The following SNTG2 variants were observed in gnomAD, a reference collection of about 807,000 sequenced individuals.
The protein encoded by SNTG2 is syntrophin gamma 2.
SNTG2 carries 74 observed loss-of-function variants against 70.9 expected under a neutral mutation model. That is an observed-to-expected ratio of 1.04 (90% CI 0.86 to 1.27). SNTG2 has a LOEUF of 1.27. Ranked by LOEUF, SNTG2 falls within the 50% of genes most tolerant of loss-of-function variation. The pLI is 0.00. For missense variants in SNTG2, 717 were observed against 690.7 expected (o/e 1.04, Z -0.43); for synonymous variants, 278 against 273.8 (o/e 1.02, Z -0.15).
chr2:1,216,859 C>T (rs1178109787), intron 9 of SNTG2, among the ~76,000 whole-genome samples: 4 of 152,156 alleles, frequency 2.6e-5, no homozygotes, highest in Non-Finnish European at 5.9e-5. Flanking sequence ...ATGTTGTTCT[C>T]ATGATAGCGA....
At chr2:1,021,497 C>G (rs998606711) in intron 1 of SNTG2, among the ~76,000 whole-genome samples, 2 of 152,022 alleles carry the variant, frequency 1.3e-5, no homozygotes, top group African/African-American at 2.4e-5. Context: ...ATTTTCTGGA[C>G]ACATCAAGCA....
At position 959,607 on chromosome 2, in the gene SNTG2, G is replaced by A. The variant is rs541803493; in HGVS notation, c.72+8539G>A. ...AGTGGGCTGTGCAAAGTCTCAGGGC[G>A]GCCTTTGCTTTACTGGCCTTGGGCT... On this transcript the variant is annotated intron_variant, in intron 1 of 16. Coordinates refer to ENST00000308624, the MANE Select transcript of SNTG2 (RefSeq NM_018968.4). Among the ~76,000 whole-genome samples, 4 of 151,660 alleles carry A rather than the reference G, an allele frequency of 2.6e-5. No individual in the cohort carries two copies. The South Asian group carries it at 8.4e-4, about 32-fold the overall frequency.
intron 1 of SNTG2, among the ~76,000 whole-genome samples, chr2:1,016,833 A>G (rs772699383): frequency 3.3e-5 from 5 of 152,178 alleles, no homozygotes; most frequent in Non-Finnish European, 7.3e-5. Flanking sequence ...TGTGTGTTGA[A>G]AGGTGAAGCT....
At chr2:1,092,074 A>G (rs889052961) in intron 2 of SNTG2, among the ~76,000 whole-genome samples, 11 of 152,232 alleles carry the variant, frequency 7.2e-5, no homozygotes, top group Non-Finnish European at 1.3e-4. Flanking sequence ...TCCTGACTCA[A>G]CAGCCCCCTC....
At chr2:1,234,409 C>A (rs34824005) in intron 9 of SNTG2, among the ~76,000 whole-genome samples, 4 of 152,128 alleles carry the variant, frequency 2.6e-5, no homozygotes, top group African/African-American at 4.8e-5. Flanking sequence ...ATTTTTATTG[C>A]TTTCTTTGAT....
rs933433493 is a variant in SNTG2 at position 1,353,351 on chromosome 2, G to A, written c.1489-13992G>A. Among the ~76,000 whole-genome samples, 1 of 152,170 alleles carries A rather than the reference G, an allele frequency of 6.6e-6. No homozygotes were observed. Among genetic ancestry groups the A allele is most frequent in the African/African-American group, 2.4e-5 (1 of 41,436 alleles). On this transcript the variant is annotated intron_variant, in intron 16 of 16. Transcript: ENST00000308624. The surrounding 1 kb of genome is among the most constrained non-coding windows in gnomAD (Gnocchi z 4.2). ...AGGAAGTGCCTGGGGCCCTGGCTTG[G>A]ACTCTCTGCAGCACCGCAAGTGTGG...
chr2:1,225,677 C>T (rs897288310), intron 9 of SNTG2, among the ~76,000 whole-genome samples: 4 of 152,200 alleles, frequency 2.6e-5, no homozygotes, highest in East Asian at 1.9e-4. Context: ...TGGGACAAAG[C>T]TCCACTCACG....
chr2:1,079,717 C>A lies in SNTG2; in HGVS notation c.73-3801C>A, dbSNP rs528021441. On this transcript the variant is annotated intron_variant, in intron 1 of 16. Coordinates refer to ENST00000308624, the MANE Select transcript of SNTG2 (RefSeq NM_018968.4). ...AGTTCAGTGTTTTCCATTCCTAGAT[C>A]CCTGGGTTGCAGGCAATGTCCTCAC... Among the ~76,000 whole-genome samples the A allele has an allele frequency of 1.7e-4, 26 of 152,254 alleles. No individual in the cohort carries two copies. The South Asian group carries it at 5.2e-3, about 30-fold the overall frequency.
At chr2:1,331,715 A>C (rs974888588) in intron 16 of SNTG2, among the ~76,000 whole-genome samples, 1 of 152,046 alleles carries the variant, frequency 6.6e-6, no homozygotes, top group African/African-American at 2.4e-5. Context: ...TGTGGCCTCT[A>C]CCTCAGCCTG....
At chr2:1,048,398 C>T (rs1323555590) in intron 1 of SNTG2, among the ~76,000 whole-genome samples, 2 of 152,156 alleles carry the variant, frequency 1.3e-5, no homozygotes, top group African/African-American at 4.8e-5. Flanking sequence ...TGTAACTTCA[C>T]TATGATAATT....
chr2:1,258,125 T>G, intron 12 of SNTG2, among the ~76,000 whole-genome samples: 1 of 150,876 alleles, frequency 6.6e-6, no homozygotes, highest in African/African-American at 2.4e-5. Flanking sequence ...ACGGGAGGAG[T>G]GGGAAGGGAG....
At chr2:1,244,476 C>T (rs538495309) in intron 11 of SNTG2, among the ~76,000 whole-genome samples, 2 of 152,186 alleles carry the variant, frequency 1.3e-5, no homozygotes, top group South Asian at 2.1e-4. Flanking sequence ...GCTGGCGGAT[C>T]ACGAGGGCAG....
chr2:1,138,105 C>T (rs1267164408), intron 6 of SNTG2, among the ~76,000 whole-genome samples: 1 of 152,206 alleles, frequency 6.6e-6, no homozygotes, highest in Admixed American at 6.5e-5. Flanking sequence ...GCAGGTGACT[C>T]ACCCGGGATT....
At chr2:1,272,462 G>C (rs1034299429) in intron 14 of SNTG2, among the ~76,000 whole-genome samples, 2 of 64,988 alleles carry the variant, frequency 3.1e-5, no homozygotes, top group African/African-American at 1.1e-4. Context: ...ACTGGTACTG[G>C]TAAAAAAAAA....
intron 1 of SNTG2, among the ~76,000 whole-genome samples, chr2:1,073,333 G>A (rs1233905213): frequency 6.6e-6 from 1 of 152,200 alleles, no homozygotes; most frequent in Non-Finnish European, 1.5e-5. Context: ...TCAACCTTCA[G>A]CAGCCACCAT....
intron 1 of SNTG2, among the ~76,000 whole-genome samples, chr2:1,022,287 T>C (rs1392077521): frequency 1.3e-5 from 2 of 151,988 alleles, no homozygotes; most frequent in African/African-American, 4.8e-5. Flanking sequence ...CCTTTGTTTT[T>C]GTGAGCCCCT....
At chr2:1,157,017 A>T (rs1393512289) in intron 6 of SNTG2, among the ~76,000 whole-genome samples, 1 of 152,092 alleles carries the variant, frequency 6.6e-6, no homozygotes, top group African/African-American at 2.4e-5. Flanking sequence ...AGACAGGAAA[A>T]GTCATTTGCT....
chr2:1,323,526 A>G (rs924298266), intron 16 of SNTG2, among the ~76,000 whole-genome samples: 1 of 113,676 alleles, frequency 8.8e-6, no homozygotes, highest in Non-Finnish European at 1.9e-5. Flanking sequence ...AGGCTGGGAC[A>G]TGGGTAACAG....
intron 1 of SNTG2, among the ~76,000 whole-genome samples, chr2:989,065 T>G (rs1396088664): frequency 6.6e-6 from 1 of 152,230 alleles, no homozygotes; most frequent in Admixed American, 6.5e-5. Flanking sequence ...TCAACTGATT[T>G]TGTTTACTTT....
Sources: allele counts gnomAD v4.1 joint callset (sites outside exome capture counted in the v4.1 genomes callset), GRCh38; gene constraint gnomAD v4.1.1; non-coding constraint Gnocchi (gnomAD v3.1); transcripts MANE v1.5; gene names NCBI Gene and HGNC (gene_info 2026-07-23, HGNC 2026-07-21).